TBC1D24: variants seen among roughly 807,000 people sequenced by gnomAD.
TBC1D24 encodes the protein Infantile myoclonic epilepsy.
A neutral mutation model predicts 50.7 loss-of-function variants in TBC1D24; 47 were observed. The ratio of observed to expected loss-of-function variants is 0.93; its 90% CI spans 0.73 to 1.18. The LOEUF (loss-of-function observed/expected upper bound fraction) is 1.18, where lower values mean the gene tolerates loss of function less well. Among genes scored for constraint, TBC1D24 ranks in the 50% most tolerant of loss-of-function variants. The pLI is 0.00. For synonymous variants in TBC1D24, 324 were observed against 335.2 expected, an observed-to-expected ratio of 0.97 and a Z score of 0.36; for missense variants, 688 against 766.5, an observed-to-expected ratio of 0.90 and a Z score of 1.21.
At chr16:2,493,870 A>G (rs1376861968) in intron 1 of TBC1D24, among the ~76,000 whole-genome samples, 2 of 152,034 alleles carry the variant, frequency 1.3e-5, no homozygotes, top group Non-Finnish European at 2.9e-5. Flanking sequence ...AACACCAACC[A>G]CCCCCACTTG....
In TBC1D24 at chr16:2,499,537, A is replaced by G; in HGVS notation, c.1206+117A>G. On this transcript the variant is annotated intron_variant, in intron 5 of 7. Coordinates refer to ENST00000646147, the MANE Select transcript of TBC1D24 (RefSeq NM_001199107.2). The surrounding 1 kb of genome is among the most constrained non-coding windows in gnomAD (Gnocchi z 4.0). ...CCTAGGCCTCCTGGGCCAGATCCAGAGTCAGAGCGTGGGTATGGCCAGCAC... is the reference window on the plus strand; with the variant it reads ...CCTAGGCCTCCTGGGCCAGATCCAGGGTCAGAGCGTGGGTATGGCCAGCAC... 1.1e-6 allele frequency: 1 copy of G among 948,306 alleles called. No homozygotes were observed. The highest frequency in any genetic ancestry group is 1.4e-5 in the South Asian group (1 of 72,120). 58.7% of individuals were successfully genotyped at this position (948,306 alleles called of 1,614,324 possible).
chr16:2,502,348 C>T lies in TBC1D24; in HGVS notation c.*1390C>T, dbSNP rs931962793. ...GAGGGGAGAAGGGAGACACAGAGGC[C>T]CAAGTGGCTGTTCTGGGACCATGGA... is the stretch of plus-strand genomic sequence containing the variant. On this transcript the variant is annotated 3_prime_UTR_variant, in exon 8 of 8. Transcript: ENST00000646147. The T allele has an allele frequency of 1.3e-5, 2 of 152,334 alleles. No homozygotes were observed. The highest frequency in any genetic ancestry group is 6.5e-5 in the Admixed American group (1 of 15,278). The allele number at this position is 152,334 out of a possible 1,614,324, so 9.4% of individuals were successfully genotyped here. A position where few individuals can be genotyped will look rare whatever the true frequency, so the allele number is the denominator to read the frequency against.
In TBC1D24 at chr16:2,499,405, G is replaced by T; in HGVS notation, c.1191G>T (p.Lys397Asn). 2 of 1,613,686 alleles carry T rather than the reference G, an allele frequency of 1.2e-6. No individual in the cohort carries two copies. The highest frequency in any genetic ancestry group is 1.1e-5 in the South Asian group (1 of 90,998). ...ATGAGCCTACCCTCTTGCTCATCAA[G>T]ACCACGCAGAAGGAGGTGAGCAGGG... Reference protein sequence around the residue: ...EGHEPTLLLIKTTQKEVCGAY... With the variant: ...EGHEPTLLLINTTQKEVCGAY... Residue 397 changes from lysine (K) to asparagine (N), a missense_variant, in exon 5 of 8, where the codon AAG becomes AAT. Lys to Asn is a moderately conservative substitution (Grantham distance 94). Transcript: ENST00000646147. The surrounding 1 kb of genome is among the most constrained non-coding windows in gnomAD (Gnocchi z 4.0).
chr16:2,490,143 G>T (rs2141863799), intron 1 of TBC1D24, among the ~76,000 whole-genome samples: 1 of 152,316 alleles, frequency 6.6e-6, no homozygotes, highest in East Asian at 1.9e-4. Flanking sequence ...TCACCCTCCA[G>T]ACCCACGGTG....
rs760121083 is a variant in TBC1D24 at position 2,496,788 on chromosome 16, C to T, written c.640C>T (p.Arg214Cys). The T allele has an allele frequency of 2.0e-5, 33 of 1,613,594 alleles. No individual in the cohort carries two copies. Among genetic ancestry groups the T allele is most frequent in the African/African-American group, 6.7e-5 (5 of 74,936 alleles). ...DVLQVYADWQ[R>C]WLFGELPLCY... ...CCTGCAGGTCTATGCGGACTGGCAG[C>T]GCTGGCTGTTTGGGGAGCTGCCCCT... The change falls in exon 2 of 8, where the codon CGC becomes TGC. Residue 214 changes from arginine (R) to cysteine (C), a missense_variant. Transcript: ENST00000646147.
chr16:2,487,977 G>T lies in TBC1D24; in HGVS notation c.-115-8057G>T, dbSNP rs1259765348. ...TTCCGCCCCGAGGCTGGGGTGAGCT[G>T]CTTGTCTGCTGGAGCGAAGGGGCCA... On this transcript the variant is annotated intron_variant, in intron 1 of 7. Transcript: ENST00000646147. The surrounding 1 kb of genome is among the most constrained non-coding windows in gnomAD (Gnocchi z 4.1). Among the ~76,000 whole-genome samples, 2 of 152,248 alleles carry T rather than the reference G, an allele frequency of 1.3e-5. No individual in the cohort carries two copies. Among genetic ancestry groups the T allele is most frequent in the African/African-American group, 4.8e-5 (2 of 41,460 alleles).
rs934463024 is a variant in TBC1D24, at chr16:2,505,337, A to G, written c.*4379A>G. 6.6e-6 allele frequency: 1 copy of G among 152,218 alleles called. No homozygotes were observed. The highest frequency in any genetic ancestry group is 1.5e-5 in the Non-Finnish European group (1 of 68,044). 9.4% of individuals were successfully genotyped at this position (152,218 alleles called of 1,614,324 possible). On this transcript the variant is annotated 3_prime_UTR_variant, in exon 8 of 8. Transcript: ENST00000646147. Reference sequence around the variant, plus strand: ...CTCACTCATTTTACCAAACTATGGAATTTGTCAACACCTTTTCTTGGGACC... The same window carrying G: ...CTCACTCATTTTACCAAACTATGGAGTTTGTCAACACCTTTTCTTGGGACC...
chr16:2,499,436 G>A lies in TBC1D24; in HGVS notation c.1206+16G>A. 6.2e-7 allele frequency: 1 copy of A among 1,612,038 alleles called. No homozygotes were observed. The highest frequency in any genetic ancestry group is 8.5e-7 in the Non-Finnish European group (1 of 1,179,006). On this transcript the variant is annotated intron_variant, in intron 5 of 7. Coordinates refer to ENST00000646147, the MANE Select transcript of TBC1D24 (RefSeq NM_001199107.2). This position sits in a 1 kb window ranked among gnomAD's most constrained non-coding sequence, Gnocchi z 4.0. The stretch of plus-strand genomic sequence containing the variant: ...GCAGAAGGAGGTGAGCAGGGGCCCT[G>A]GAGCCAGGGCTGGCTCTGATGGGCT...
rs35486279 is a variant in TBC1D24, at chr16:2,476,116, CCT to C, written c.-116+947_-116+948del. On this transcript the variant is annotated intron_variant, in intron 1 of 7. Transcript: ENST00000646147. ...TAGAAGCACTAGCGGGTGATTTTTCCCTGTTTTGCTGTGTTTGCTCTGGAGTC... is the reference window on the plus strand; with the variant it reads ...TAGAAGCACTAGCGGGTGATTTTTCCGTTTTGCTGTGTTTGCTCTGGAGTC... 6.2e-3 allele frequency among the ~76,000 whole-genome samples: 941 copies of C among 152,318 alleles called. 11 individuals are homozygous for C. Among genetic ancestry groups the C allele is most frequent in the Non-Finnish European group, 0.01 (704 of 68,018 alleles).
intron 2 of TBC1D24, 148 bp from the exon 3 acceptor site, chr16:2,497,562 G>A (rs1030431812): frequency 5.1e-6 from 4 of 780,334 alleles, no homozygotes; most frequent in Admixed American, 4.1e-5. Context: ...AGCCAGCGCT[G>A]TGATGGTGCC....
Position 2,499,246 on chromosome 16 carries a change from G to T in TBC1D24, c.1143-111G>T. 1 of 964,682 alleles carries T rather than the reference G, an allele frequency of 1.0e-6. No individual in the cohort carries two copies. The allele number at this position is 964,682 out of a possible 1,614,324, so 59.8% of individuals were successfully genotyped here. On this transcript the variant is annotated intron_variant, in intron 4 of 7. Transcript: ENST00000646147. This position sits in a 1 kb window ranked among gnomAD's most constrained non-coding sequence, Gnocchi z 4.0. ...GGTGTTGTCGGGACCCAGAGAGAAG[G>T]AAGCACAGTTCCCAGGTCTTCGCCC...
intron 4 of TBC1D24, among the ~76,000 whole-genome samples, chr16:2,498,961 C>CT (rs1488123442): frequency 6.6e-6 from 1 of 152,254 alleles, no homozygotes; most frequent in Non-Finnish European, 1.5e-5. Context: ...CTTCTCCTGG[C>CT]CCTGCCAAGG....
intron 1 of TBC1D24, among the ~76,000 whole-genome samples, chr16:2,488,724 T>C (rs1370690316): frequency 1.3e-5 from 2 of 149,682 alleles, no homozygotes; most frequent in East Asian, 3.9e-4. Context: ...TAGCCAGGAT[T>C]ACAGGTGTGA....
intron 1 of TBC1D24, among the ~76,000 whole-genome samples, chr16:2,489,593 G>T (rs769309886): frequency 1.3e-5 from 2 of 152,188 alleles, no homozygotes; most frequent in Non-Finnish European, 2.9e-5. Context: ...GAAAGAAGCC[G>T]CACTGGGTAT....
intron 1 of TBC1D24, chr16:2,478,036 A>G (rs1424380051): frequency 2.0e-5 from 3 of 152,330 alleles, no homozygotes; most frequent in Non-Finnish European, 4.4e-5. Flanking sequence ...CCTGAGTGGC[A>G]TGAAGCCTCT....
Position 2,482,688 on chromosome 16 carries a change from T to C in TBC1D24, c.-116+7518T>C, listed in dbSNP as rs2065618720. 6.6e-6 allele frequency among the ~76,000 whole-genome samples: 1 copy of C among 150,460 alleles called. No homozygotes were observed. Among genetic ancestry groups the C allele is most frequent in the South Asian group, 2.1e-4 (1 of 4,738 alleles). On this transcript the variant is annotated intron_variant, in intron 1 of 7. Transcript: ENST00000646147. The surrounding 1 kb of genome is among the most constrained non-coding windows in gnomAD (Gnocchi z 5.2). ...TGAATTGCGCTGGAGTCACATGGAG[T>C]GTGAATGTTGTGACTGTACCGGAGA...
Position 2,500,606 on chromosome 16 carries a change from G to A in TBC1D24, c.1525+116G>A. 1 of 1,321,474 alleles carries A rather than the reference G, an allele frequency of 7.6e-7. No individual in the cohort carries two copies. 81.9% of individuals were successfully genotyped at this position (1,321,474 alleles called of 1,614,324 possible). A position where few individuals can be genotyped will look rare whatever the true frequency, so the allele number is the denominator to read the frequency against. On this transcript the variant is annotated intron_variant, in intron 7 of 7. Transcript: ENST00000646147. The surrounding 1 kb of genome is among the most constrained non-coding windows in gnomAD (Gnocchi z 8.0). ...GAGAAGAGGCCCTGGGTGTCAGGGT[G>A]GACCAGGCATGATGGGTGGGAGGGG...
chr16:2,501,318 G>T lies in TBC1D24; in HGVS notation c.*360G>T. On this transcript the variant is annotated 3_prime_UTR_variant, in exon 8 of 8. Coordinates refer to ENST00000646147, the MANE Select transcript of TBC1D24 (RefSeq NM_001199107.2). ...CTCTCTAGGCAGCCTGAGCCCCTGG[G>T]GTGGGAGTACAACGGCAGTGGGAAC... 2 of 318,558 alleles carry T rather than the reference G, an allele frequency of 6.3e-6. No individual in the cohort carries two copies. The highest frequency in any genetic ancestry group is 7.4e-5 in the South Asian group (2 of 27,000). The allele number at this position is 318,558 out of a possible 1,614,324, so 19.7% of individuals were successfully genotyped here.
chr16:2,489,541 G>T (rs987258073), intron 1 of TBC1D24, among the ~76,000 whole-genome samples: 3 of 152,214 alleles, frequency 2.0e-5, no homozygotes, highest in Admixed American at 6.5e-5. Context: ...TGGCGTTTAT[G>T]AGGAAAGGCC....
Sources: allele counts gnomAD v4.1 joint callset (sites outside exome capture counted in the v4.1 genomes callset), GRCh38; gene constraint gnomAD v4.1.1; non-coding constraint Gnocchi (gnomAD v3.1); transcripts MANE v1.5; gene names NCBI Gene and HGNC (gene_info 2026-07-23, HGNC 2026-07-21).